Variants in TCEA3 observed in about 807,000 individuals in gnomAD.
TCEA3 encodes transcription elongation factor A3.
TCEA3 carries 36 observed loss-of-function variants against 44.0 expected under a neutral mutation model. That is an observed-to-expected ratio of 0.82 (90% CI 0.63 to 1.08). The LOEUF (loss-of-function observed/expected upper bound fraction) is 1.08. Among genes scored for constraint, TCEA3 ranks in the 50% least tolerant of loss-of-function variants. The pLI is 0.00. For synonymous variants in TCEA3, 162 were observed against 159.7 expected (o/e 1.01, Z -0.11); for missense variants, 392 against 441.2 (o/e 0.89, Z 1.00).
chr1:23,381,425 C>G lies in TCEA3; in HGVS notation c.*41G>C, dbSNP rs2148538764. 4 of 779,792 alleles carry G rather than the reference C, an allele frequency of 5.1e-6. No homozygotes were observed. In the East Asian group the frequency reaches 9.7e-5, roughly 19 times the overall value. 48.3% of individuals were successfully genotyped at this position (779,792 alleles called of 1,614,324 possible). A position where few individuals can be genotyped will look rare whatever the true frequency, so the allele number is the denominator to read the frequency against. ...TCCAGTTCAGATAATTCAGCGCTTC[C>G]TCTTTCTTCTTCCTCACCTTGTTCA... On this transcript the variant is annotated 3_prime_UTR_variant, in exon 11 of 11. Transcript: ENST00000450454.
At chr1:23,421,468 G>C (rs1640063870) in intron 1 of TCEA3, among the ~76,000 whole-genome samples, 1 of 151,314 alleles carries the variant, frequency 6.6e-6, no homozygotes, top group South Asian at 2.1e-4. Flanking sequence ...AAGTGCAGTG[G>C]TGTGCTGGCC....
chr1:23,393,815 C>G (rs1351950598), intron 8 of TCEA3, 64 bp downstream of exon 8: 3 of 1,565,674 alleles, frequency 1.9e-6, no homozygotes, highest in Non-Finnish European at 2.6e-6. Flanking sequence ...CACTGACCCT[C>G]TGCACTAGGC....
At chr1:23,406,695 G>A (rs773430158) in intron 5 of TCEA3, among the ~76,000 whole-genome samples, 3 of 152,146 alleles carry the variant, frequency 2.0e-5, no homozygotes, top group Non-Finnish European at 4.4e-5. Flanking sequence ...CCCCCAGACT[G>A]GAGTGCAATG....
At chr1:23,395,682 G>T (rs1639195324) in intron 7 of TCEA3, among the ~76,000 whole-genome samples, 1 of 152,138 alleles carries the variant, frequency 6.6e-6, no homozygotes, top group Admixed American at 6.5e-5. Context: ...AACAAAATTA[G>T]CCAGGTGTGG....
chr1:23,390,747 G>A (rs1167546674), intron 8 of TCEA3, among the ~76,000 whole-genome samples: 1 of 152,084 alleles, frequency 6.6e-6, no homozygotes, highest in Non-Finnish European at 1.5e-5. Flanking sequence ...CAACACTGTA[G>A]AAAATAAGGT....
At chr1:23,383,426 A>G (rs776695952) in intron 10 of TCEA3, 8 of 945,140 alleles carry the variant, frequency 8.5e-6, no homozygotes, top group Non-Finnish European at 1.0e-5. Context: ...TAAAGGAACA[A>G]TTCTTGTAGT....
At chr1:23,397,647 G>T (rs759379596) in intron 6 of TCEA3, 46 bp from the exon 7 acceptor site, 4 of 1,607,496 alleles carry the variant, frequency 2.5e-6, no homozygotes, top group Non-Finnish European at 3.4e-6. Flanking sequence ...ACACAACGTA[G>T]GCAGTGAAGC....
intron 8 of TCEA3, among the ~76,000 whole-genome samples, chr1:23,392,307 C>A (rs894277885): frequency 1.3e-4 from 20 of 151,324 alleles, no homozygotes; most frequent in Non-Finnish European, 2.2e-4. Context: ...ATATGCTAAT[C>A]ACACACCACA....
chr1:23,399,923 G>A (rs563418445), intron 5 of TCEA3, among the ~76,000 whole-genome samples: 1 of 152,312 alleles, frequency 6.6e-6, no homozygotes, highest in South Asian at 2.1e-4. Context: ...TGATCCACCT[G>A]CCTTGGCCTC....
intron 1 of TCEA3, among the ~76,000 whole-genome samples, chr1:23,423,454 G>T (rs569391368): frequency 6.6e-6 from 1 of 152,304 alleles, no homozygotes; most frequent in African/African-American, 2.4e-5. Context: ...TGACTGCCCA[G>T]TGTCCACTCT....
chr1:23,408,846 G>C (rs890875364), intron 4 of TCEA3, 120 bp from the exon 5 acceptor site: 1 of 879,564 alleles, frequency 1.1e-6, no homozygotes, highest in Non-Finnish European at 1.7e-6. Flanking sequence ...AAGCCCACCC[G>C]GGCCACAGCT....
chr1:23,387,011 C>T (rs1396329075), intron 9 of TCEA3, among the ~76,000 whole-genome samples: 2 of 152,194 alleles, frequency 1.3e-5, no homozygotes, highest in Non-Finnish European at 2.9e-5. Context: ...TGAGCCACCG[C>T]GCCCGGCATT....
At position 23,422,917 on chromosome 1, in the gene TCEA3, C is replaced by T. The variant is rs564894935; in HGVS notation, c.69+1648G>A. ...GAGCTCTATCCCAAGCAGCCTGCCTCTCCTCCGGTCTCTAGGCGTCCCCAC... is the reference window on the plus strand; with the variant it reads ...GAGCTCTATCCCAAGCAGCCTGCCTTTCCTCCGGTCTCTAGGCGTCCCCAC... On this transcript the variant is annotated intron_variant, in intron 1 of 10. Transcript: ENST00000450454. Among the ~76,000 whole-genome samples the T allele has an allele frequency of 3.9e-5, 6 of 152,338 alleles. No homozygotes were observed. The South Asian group carries it at 1.0e-3, about 26-fold the overall frequency.
chr1:23,395,930 G>C (rs896285041), intron 7 of TCEA3, among the ~76,000 whole-genome samples: 1 of 152,146 alleles, frequency 6.6e-6, no homozygotes, highest in Non-Finnish European at 1.5e-5. Flanking sequence ...CTTAAAGGTG[G>C]AAAGGACCTG....
intron 9 of TCEA3, among the ~76,000 whole-genome samples, chr1:23,386,743 T>C (rs759148237): frequency 2.4e-4 from 36 of 149,996 alleles, no homozygotes; most frequent in Non-Finnish European, 4.4e-4. Context: ...TTCTTTCAGA[T>C]GGAGTCTCAC....
intron 8 of TCEA3, among the ~76,000 whole-genome samples, chr1:23,389,464 G>A (rs1413975273): frequency 6.7e-6 from 1 of 149,266 alleles, no homozygotes; most frequent in Non-Finnish European, 1.5e-5. Context: ...ACTCCCGCCT[G>A]GGCAACAACA....
At chr1:23,414,255 C>T (rs12057807) in intron 4 of TCEA3, among the ~76,000 whole-genome samples, 1 of 151,896 alleles carries the variant, frequency 6.6e-6, no homozygotes, top group East Asian at 1.9e-4. Flanking sequence ...CCATGCCCAG[C>T]TAATTTTTGT....
intron 7 of TCEA3, among the ~76,000 whole-genome samples, chr1:23,396,316 G>C (rs950627722): frequency 2.0e-5 from 3 of 151,994 alleles, no homozygotes; most frequent in Non-Finnish European, 4.4e-5. Flanking sequence ...CTGTCTCCCC[G>C]CTCCAATACC....
intron 5 of TCEA3, among the ~76,000 whole-genome samples, chr1:23,404,686 C>T (rs950085808): frequency 5.9e-5 from 9 of 152,028 alleles, no homozygotes; most frequent in South Asian, 2.1e-4. Flanking sequence ...TGGCCAGGCG[C>T]GGTGGCTCAC....
Sources: allele counts gnomAD v4.1 joint callset (sites outside exome capture counted in the v4.1 genomes callset), GRCh38; gene constraint gnomAD v4.1.1; transcripts MANE v1.5; gene names NCBI Gene and HGNC (gene_info 2026-07-23, HGNC 2026-07-21).